The following DYNC1LI1 variants were observed in gnomAD, a reference collection of about 807,000 sequenced individuals.
DYNC1LI1 encodes the protein dynein cytoplasmic 1 light intermediate chain 1, also known as cytoplasmic dynein 1 light intermediate chain 1.
DYNC1LI1 carries 19 observed loss-of-function variants against 63.8 expected under a neutral mutation model. The ratio of observed to expected loss-of-function variants is 0.30; its 90% confidence interval spans 0.21 to 0.44. The LOEUF (loss-of-function observed/expected upper bound fraction) is 0.44. Among genes scored for constraint, DYNC1LI1 ranks in the 20% least tolerant of loss-of-function variants. The probability of loss-of-function intolerance (pLI) is 1.00; values close to 1 mark genes in which losing one functional copy is unlikely to be tolerated. For missense variants in DYNC1LI1, 565 were observed against 630.2 expected, an observed-to-expected ratio of 0.90 and a Z score of 1.11; for synonymous variants, 225 against 232.3, an observed-to-expected ratio of 0.97 and a Z score of 0.28.
intron 5 of DYNC1LI1, among the ~76,000 whole-genome samples, chr3:32,539,528 A>G (rs1025047607): frequency 3.3e-5 from 5 of 151,672 alleles, no homozygotes; most frequent in Non-Finnish European, 7.4e-5. Context: ...CATGAAATTG[A>G]TCTATTATTA....
At position 32,526,573 on chromosome 3, in the gene DYNC1LI1, CA is replaced by C. The variant is rs1306706428; in HGVS notation, c.*225del. 2 of 336,598 alleles carry C rather than the reference CA, an allele frequency of 5.9e-6. No individual in the cohort carries two copies. Among genetic ancestry groups the C allele is most frequent in the African/African-American group, 4.2e-5 (2 of 47,638 alleles). The allele number at this position is 336,598 out of a possible 1,614,324, so 20.9% of individuals were successfully genotyped here. A position where few individuals can be genotyped will look rare whatever the true frequency, so the allele number is the denominator to read the frequency against. The stretch of plus-strand genomic sequence containing the variant: ...CAAAATCAAAAATTACTTTCTTATG[CA>C]AAATGGCAATGCAAACAGCAATCCT... On this transcript the variant is annotated 3_prime_UTR_variant, in exon 13 of 13. Coordinates refer to ENST00000273130, the MANE Select transcript of DYNC1LI1 (RefSeq NM_016141.4).
At chr3:32,566,100 C>CA (rs1698255826) in intron 2 of DYNC1LI1, among the ~76,000 whole-genome samples, 1 of 152,076 alleles carries the variant, frequency 6.6e-6, no homozygotes, top group Non-Finnish European at 1.5e-5. Flanking sequence ...GGTGAGACCT[C>CA]ATCTCTCCAA....
At chr3:32,550,558 C>T (rs1473576146) in intron 2 of DYNC1LI1, among the ~76,000 whole-genome samples, 1 of 152,234 alleles carries the variant, frequency 6.6e-6, no homozygotes, top group Non-Finnish European at 1.5e-5. Flanking sequence ...TTCTCCTCCA[C>T]TTATCATAAG....
At chr3:32,565,868 A>T (rs1287342598) in intron 2 of DYNC1LI1, among the ~76,000 whole-genome samples, 1 of 152,176 alleles carries the variant, frequency 6.6e-6, no homozygotes, top group Non-Finnish European at 1.5e-5. Flanking sequence ...TCAGCCTCCT[A>T]AAGTGCTAGG....
intron 8 of DYNC1LI1, chr3:32,532,485 G>GTATATACATA (rs1292389896): frequency 8.2e-6 from 1 of 122,276 alleles, no homozygotes; most frequent in African/African-American, 2.9e-5. Context: ...AAAAAAATGT[G>GTATATACATA]TGTATATATA....
At position 32,529,581 on chromosome 3, in the gene DYNC1LI1, G is replaced by A; in HGVS notation, c.1265C>T (p.Pro422Leu). Residue 422 changes from proline (P) to leucine (L), a missense_variant, in exon 11 of 13, where the codon CCC becomes CTC. By Grantham distance (98) the Pro-to-Leu change is moderately conservative. Coordinates refer to ENST00000273130, the MANE Select transcript of DYNC1LI1 (RefSeq NM_016141.4). ...AATTTTTTTTGACCCAGCAGGAATGGGTGACACGCTGGCAACATTAGATGA... is the reference window on the plus strand; with the variant it reads ...AATTTTTTTTGACCCAGCAGGAATGAGTGACACGCTGGCAACATTAGATGA... ...SVSSNVASVS[P>L]IPAGSKKIDP... 6.2e-7 allele frequency: 1 copy of A among 1,609,186 alleles called. No individual in the cohort carries two copies. Among genetic ancestry groups the A allele is most frequent in the Non-Finnish European group, 8.5e-7 (1 of 1,177,846 alleles).
At chr3:32,538,214 T>C (rs111589263) in intron 5 of DYNC1LI1, among the ~76,000 whole-genome samples, 6 of 138,968 alleles carry the variant, frequency 4.3e-5, no homozygotes, top group South Asian at 2.2e-4. Flanking sequence ...CTGGGCAACA[T>C]AGCAAAACTC....
At chr3:32,542,823 T>C (rs947282529) in intron 4 of DYNC1LI1, among the ~76,000 whole-genome samples, 9 of 152,246 alleles carry the variant, frequency 5.9e-5, no homozygotes, top group African/African-American at 2.2e-4. Flanking sequence ...CTGACTCATA[T>C]GGAGGAAAAC....
In DYNC1LI1 at chr3:32,528,320, G is replaced by A. The variant is rs1220573513; in HGVS notation, c.1462+126C>T. ...AAAAATGTTCTAAAATCAGATTATG[G>A]TGATGGCCTGCCCAACTTAGCAAAG... is the stretch of plus-strand genomic sequence containing the variant. On this transcript the variant is annotated intron_variant, in intron 12 of 12. Coordinates refer to ENST00000273130, the MANE Select transcript of DYNC1LI1 (RefSeq NM_016141.4). 3.1e-6 allele frequency: 3 copies of A among 977,024 alleles called. No individual in the cohort carries two copies. The African/African-American group carries it at 4.9e-5, about 16-fold the overall frequency. The allele number at this position is 977,024 out of a possible 1,614,324, so 60.5% of individuals were successfully genotyped here. A position where few individuals can be genotyped will look rare whatever the true frequency, so the allele number is the denominator to read the frequency against.
In DYNC1LI1 at chr3:32,533,094, T is replaced by C; in HGVS notation, c.972A>G (p.Pro324=). The C allele has an allele frequency of 6.3e-7, 1 of 1,593,772 alleles. No individual in the cohort carries two copies. Among genetic ancestry groups the C allele is most frequent in the East Asian group, 2.3e-5 (1 of 44,036 alleles). ...VVVEKDAVFI[P]AGWDNDKKIG... is the part of the protein sequence containing the mutation. ...TTTTCTTATCATTATCCCACCCTGC[T>C]GGACTGGAAAGAAATACATATGATA... The change falls in exon 8 of 13, where the codon CCA becomes CCG. Residue 324 remains proline, a synonymous_variant. Coordinates refer to ENST00000273130, the MANE Select transcript of DYNC1LI1 (RefSeq NM_016141.4).
Position 32,570,743 on chromosome 3 carries a change from A to G in DYNC1LI1, c.28T>C (p.Phe10Leu). The G allele has an allele frequency of 6.2e-7, 1 of 1,606,944 alleles. No homozygotes were observed. Among genetic ancestry groups the G allele is most frequent in the South Asian group, 1.1e-5 (1 of 90,502 alleles). MAAVGRVGS[F>L]GSSPPGLSST... Reference sequence around the variant, plus strand: ...GATAATCCCGGCGGAGAAGAACCGAAGGAGCCGACTCGCCCCACGGCCGCC... The same window carrying G: ...GATAATCCCGGCGGAGAAGAACCGAGGGAGCCGACTCGCCCCACGGCCGCC... The change falls in exon 1 of 13, where the codon TTC becomes CTC. Residue 10 changes from phenylalanine to leucine, a missense_variant. Coordinates refer to ENST00000273130, the MANE Select transcript of DYNC1LI1 (RefSeq NM_016141.4).
Position 32,537,021 on chromosome 3 carries a change from A to G in DYNC1LI1, c.822T>C (p.Phe274=). The change falls in exon 6 of 13, where the codon TTT becomes TTC. Residue 274 remains phenylalanine, a synonymous_variant. Coordinates refer to ENST00000273130, the MANE Select transcript of DYNC1LI1 (RefSeq NM_016141.4). The part of the protein sequence containing the change: ...FDFIQSHIRK[F]CLQYGAALIY... ...TATTTAAAAGGATACACTGTAAACA[A>G]AACTTCCGGATATGTGACTGAATAA... 1 of 1,582,064 alleles carries G rather than the reference A, an allele frequency of 6.3e-7. No individual in the cohort carries two copies. The highest frequency in any genetic ancestry group is 8.6e-7 in the Non-Finnish European group (1 of 1,159,118).
In DYNC1LI1 at chr3:32,532,971, T is replaced by G; in HGVS notation, c.1080+15A>C. 1 of 1,561,062 alleles carries G rather than the reference T, an allele frequency of 6.4e-7. No individual in the cohort carries two copies. ...CTAAAGTCTAAATATTGAGATTATTTACTAAAATGGTTACCTTTCGAACAG... is the reference window on the plus strand; with the variant it reads ...CTAAAGTCTAAATATTGAGATTATTGACTAAAATGGTTACCTTTCGAACAG... On this transcript the variant is annotated intron_variant, in intron 8 of 12. Transcript: ENST00000273130.
intron 7 of DYNC1LI1, among the ~76,000 whole-genome samples, chr3:32,534,279 GAC>G (rs1206643711): frequency 1.3e-5 from 2 of 152,112 alleles, no homozygotes; most frequent in Non-Finnish European, 2.9e-5. Flanking sequence ...GCACCCAGTA[GAC>G]AGTTTAGCTC....
chr3:32,555,575 C>G (rs1698104118), intron 2 of DYNC1LI1, among the ~76,000 whole-genome samples: 1 of 152,210 alleles, frequency 6.6e-6, no homozygotes, highest in African/African-American at 2.4e-5. Flanking sequence ...GGCCTCCTCC[C>G]AGTTCTCTTC....
chr3:32,569,736 T>A (rs765583138), intron 2 of DYNC1LI1, among the ~76,000 whole-genome samples: 9 of 152,172 alleles, frequency 5.9e-5, no homozygotes, highest in Admixed American at 3.9e-4. Flanking sequence ...GAACTGACAC[T>A]GGACCGTTTC....
intron 11 of DYNC1LI1, 105 bp from the exon 12 acceptor site, chr3:32,528,706 AAG>A: frequency 8.6e-7 from 1 of 1,166,410 alleles, no homozygotes; most frequent in Non-Finnish European, 1.2e-6. Context: ...CTTAAATTTT[AAG>A]AGTTTTATAT....
In DYNC1LI1 at chr3:32,528,613, T is replaced by C. The variant is rs746759920; in HGVS notation, c.1307-12A>G. 1.9e-6 allele frequency: 3 copies of C among 1,583,448 alleles called. No individual in the cohort carries two copies. The highest frequency in any genetic ancestry group is 2.8e-5 in the African/African-American group (2 of 72,686). On this transcript the variant is annotated splice_polypyrimidine_tract_variant and intron_variant, in intron 11 of 12. Coordinates refer to ENST00000273130, the MANE Select transcript of DYNC1LI1 (RefSeq NM_016141.4). ...ACTTGTAGCTCCAGCTATAAAAAAA[T>C]AAAAAAACAAAAAGCTTTAGCCAAA...
intron 8 of DYNC1LI1, chr3:32,532,057 T>C (rs978911576): frequency 7.2e-5 from 11 of 152,234 alleles, no homozygotes; most frequent in Admixed American, 3.9e-4. Context: ...CTCATTTTTA[T>C]AGAGCTTTCA....
Sources: gnomAD v4.1 joint callset for allele counts (sites outside exome capture counted in the v4.1 genomes callset) on GRCh38, gnomAD v4.1.1 for gene constraint, MANE v1.5 for transcripts, NCBI Gene and HGNC (gene_info 2026-07-23, HGNC 2026-07-21) for gene names.